The following GADD45GIP1 variants were observed in gnomAD, a reference collection of about 807,000 sequenced individuals.
GADD45GIP1 encodes GADD45G interacting protein 1.
A neutral mutation model predicts 22.1 loss-of-function variants in GADD45GIP1; 17 were observed. The observed-to-expected ratio is 0.77, with a 90% CI of 0.53 to 1.15. GADD45GIP1 has a LOEUF of 1.15. Ranked by LOEUF, GADD45GIP1 falls within the 50% of genes most tolerant of loss-of-function variation. The pLI, the probability that GADD45GIP1 is intolerant of heterozygous loss-of-function variation, is 0.00. For synonymous variants in GADD45GIP1, 135 were observed against 138.4 expected (o/e 0.98, Z 0.17); for missense variants, 294 against 314.0 (o/e 0.94, Z 0.48).
At position 12,957,012 on chromosome 19, in the gene GADD45GIP1, G is replaced by A. The variant is rs1971932873; in HGVS notation, c.201C>T (p.Ala67=). The A allele has an allele frequency of 6.3e-7, 1 of 1,598,026 alleles. No homozygotes were observed. Among genetic ancestry groups the A allele is most frequent in the Non-Finnish European group, 8.5e-7 (1 of 1,179,176 alleles). ...ATAACGAACCGGGGACCACCCCGGA[G>A]GCGGCGCCGTAACGCGCGAACTGCT... The part of the protein sequence containing the change: ...AAKQFARYGA[A]SGVVPGSLWP... The change falls in exon 1 of 2, where the codon GCC becomes GCT. Residue 67 remains alanine (A), a synonymous_variant. Coordinates refer to ENST00000316939, the MANE Select transcript of GADD45GIP1 (RefSeq NM_052850.4).
rs1971868714 is a variant in GADD45GIP1 at position 12,953,393 on chromosome 19, CT to C, written c.*814del. 1 of 172,980 alleles carries C rather than the reference CT, an allele frequency of 5.8e-6. No homozygotes were observed. Among genetic ancestry groups the C allele is most frequent in the South Asian group, 1.9e-4 (1 of 5,390 alleles). The allele number at this position is 172,980 out of a possible 1,614,324, so 10.7% of individuals were successfully genotyped here. ...TGCCTCTCCATCCTCCGAAAAACCC[CT>C]GAGGACCCCCCCCCATCCTCTTCTA... On this transcript the variant is annotated 3_prime_UTR_variant, in exon 2 of 2. Transcript: ENST00000316939.
In GADD45GIP1 at chr19:12,953,139, T is replaced by C. The variant is rs909078368; in HGVS notation, c.*1069A>G. The C allele has an allele frequency of 2.4e-6, 2 of 847,432 alleles. No homozygotes were observed. The highest frequency in any genetic ancestry group is 3.4e-5 in the Admixed American group (1 of 29,716). The allele number at this position is 847,432 out of a possible 1,614,324, so 52.5% of individuals were successfully genotyped here. A position where few individuals can be genotyped will look rare whatever the true frequency, so the allele number is the denominator to read the frequency against. On this transcript the variant is annotated 3_prime_UTR_variant, in exon 2 of 2. Coordinates refer to ENST00000316939, the MANE Select transcript of GADD45GIP1 (RefSeq NM_052850.4). Reference sequence around the variant, plus strand: ...AAAAATATATATATATTCATGTTTATTTAAGAAATGGAAAAAAAAATCAAA... The same window carrying C: ...AAAAATATATATATATTCATGTTTACTTAAGAAATGGAAAAAAAAATCAAA...
rs898872669 is a variant in GADD45GIP1 at position 12,954,142 on chromosome 19, T to C, written c.*66A>G. The C allele has an allele frequency of 1.4e-6, 2 of 1,388,794 alleles. No individual in the cohort carries two copies. The highest frequency in any genetic ancestry group is 2.0e-6 in the Non-Finnish European group (2 of 1,006,208). The allele number at this position is 1,388,794 out of a possible 1,614,324, so 86.0% of individuals were successfully genotyped here. A position where few individuals can be genotyped will look rare whatever the true frequency, so the allele number is the denominator to read the frequency against. ...CCAGGGGACCCAGAGAGGCACACCT[T>C]GAGAGGACGCAGATCTCTTCAGGGG... On this transcript the variant is annotated 3_prime_UTR_variant, in exon 2 of 2. Coordinates refer to ENST00000316939, the MANE Select transcript of GADD45GIP1 (RefSeq NM_052850.4).
Position 12,956,855 on chromosome 19 carries a change from G to A in GADD45GIP1, c.350+8C>T. 1 of 1,594,840 alleles carries A rather than the reference G, an allele frequency of 6.3e-7. No individual in the cohort carries two copies. Among genetic ancestry groups the A allele is most frequent in the Non-Finnish European group, 8.5e-7 (1 of 1,177,760 alleles). ...AGGGCAGCCCCGCGTCTGCCTGCACGCACGCACCTCTCCCGACGCTTCTGC... is the reference window on the plus strand; with the variant it reads ...AGGGCAGCCCCGCGTCTGCCTGCACACACGCACCTCTCCCGACGCTTCTGC... On this transcript the variant is annotated splice_region_variant and intron_variant, in intron 1 of 1. Coordinates refer to ENST00000316939, the MANE Select transcript of GADD45GIP1 (RefSeq NM_052850.4).
rs745685012 is a variant in GADD45GIP1 at position 12,953,292 on chromosome 19, A to G, written c.*916T>C. The G allele has an allele frequency of 2.4e-4, 81 of 337,968 alleles. 1 individual carries two copies. In the Middle Eastern group the frequency reaches 3.2e-3, roughly 13 times the overall value. The allele number at this position is 337,968 out of a possible 1,614,324, so 20.9% of individuals were successfully genotyped here. ...GCCCAGCCTGCTCAGAGAAGCTGGC[A>G]GGACTGGGAGGCGACAGATGGGCCC... On this transcript the variant is annotated 3_prime_UTR_variant, in exon 2 of 2. Coordinates refer to ENST00000316939, the MANE Select transcript of GADD45GIP1 (RefSeq NM_052850.4).
chr19:12,953,917 T>C lies in GADD45GIP1; in HGVS notation c.*291A>G, dbSNP rs1971887350. 2.9e-6 allele frequency: 1 copy of C among 344,198 alleles called. No homozygotes were observed. 21.3% of individuals were successfully genotyped at this position (344,198 alleles called of 1,614,324 possible). ...ACTTCCCCCCCCACCAGCCTTGTAA[T>C]TGGCTAATTACTGGAGATGAATGTT... On this transcript the variant is annotated 3_prime_UTR_variant, in exon 2 of 2. Transcript: ENST00000316939.
chr19:12,954,257 G>T lies in GADD45GIP1; in HGVS notation c.620C>A (p.Ala207Asp). Residue 207 changes from alanine (A) to aspartate (D), a missense_variant, in exon 2 of 2, where the codon GCT becomes GAT. Transcript: ENST00000316939. The part of the protein sequence containing the change: ...RKKEARAAAL[A>D]AAVAQDPAAS... Reference sequence around the variant, plus strand: ...TGCTGGGTCTTGAGCCACAGCTGCAGCCAATGCAGCAGCTCGCGCCTCCTT... The same window carrying T: ...TGCTGGGTCTTGAGCCACAGCTGCATCCAATGCAGCAGCTCGCGCCTCCTT... 7 of 1,614,202 alleles carry T rather than the reference G, an allele frequency of 4.3e-6. No homozygotes were observed. The South Asian group carries it at 6.6e-5, about 15-fold the overall frequency.
In GADD45GIP1 at chr19:12,957,161, G is replaced by C; in HGVS notation, c.52C>G (p.Leu18Val). 2 of 1,420,986 alleles carry C rather than the reference G, an allele frequency of 1.4e-6. No individual in the cohort carries two copies. The highest frequency in any genetic ancestry group is 1.8e-6 in the Non-Finnish European group (2 of 1,101,356). 88.0% of individuals were successfully genotyped at this position (1,420,986 alleles called of 1,614,324 possible). A position where few individuals can be genotyped will look rare whatever the true frequency, so the allele number is the denominator to read the frequency against. ...CGGTAGCCACGGGAACCCGGGGCCA[G>C]GGTCGCCGCCACACCTAGTAGGCTG... ...ARSLLGVAAT[L>V]APGSRGYRAR... The change falls in exon 1 of 2, where the codon CTG (leucine) becomes GTG (valine). Residue 18 changes from leucine (L) to valine (V), a missense_variant. Transcript: ENST00000316939.
chr19:12,954,723 C>A (rs1971902416), intron 1 of GADD45GIP1, among the ~76,000 whole-genome samples, 197 bp from the exon 2 acceptor site: 1 of 152,218 alleles, frequency 6.6e-6, no homozygotes, highest in African/African-American at 2.4e-5. Flanking sequence ...TGAATTTGAT[C>A]ACAAGGGCAT....
intron 1 of GADD45GIP1, among the ~76,000 whole-genome samples, chr19:12,955,518 T>A (rs1971913272): frequency 6.6e-6 from 1 of 152,128 alleles, no homozygotes; most frequent in South Asian, 2.1e-4. Context: ...AGGAACACAC[T>A]TGACCTACCC....
rs753799047 is a variant in GADD45GIP1 at position 12,954,318 on chromosome 19, G to A, written c.559C>T (p.Arg187Cys). ...ELLQDLEKKE[R>C]KRLKEEKQKR... ...TGTTTTTCCTCCTTGAGGCGCTTGC[G>A]CTCCTTCTTCTCTAGGTCCTGGAGC... Residue 187 changes from arginine to cysteine, a missense_variant, in exon 2 of 2, where the codon CGC becomes TGC. Transcript: ENST00000316939. 1.9e-5 allele frequency: 30 copies of A among 1,614,032 alleles called. No homozygotes were observed. Among genetic ancestry groups the A allele is most frequent in the Non-Finnish European group, 2.3e-5 (27 of 1,180,024 alleles).
chr19:12,957,195 T>C lies in GADD45GIP1; in HGVS notation c.18A>G (p.Arg6=), dbSNP rs781042479. 58 of 1,401,712 alleles carry C rather than the reference T, an allele frequency of 4.1e-5. No individual in the cohort carries two copies. In the South Asian group the frequency reaches 8.5e-4, roughly 21 times the overall value. The allele number at this position is 1,401,712 out of a possible 1,614,324, so 86.8% of individuals were successfully genotyped here. A position where few individuals can be genotyped will look rare whatever the true frequency, so the allele number is the denominator to read the frequency against. MAASV[R]QARSLLGVAA... ...CCACACCTAGTAGGCTGCGTGCCTG[T>C]CGCACGGACGCCGCCATCTTGGCTG... The change falls in exon 1 of 2, where the codon CGA becomes CGG. Residue 6 remains arginine, a synonymous_variant. Coordinates refer to ENST00000316939, the MANE Select transcript of GADD45GIP1 (RefSeq NM_052850.4).
intron 1 of GADD45GIP1, among the ~76,000 whole-genome samples, chr19:12,956,529 C>T (rs1971925877): frequency 6.6e-6 from 1 of 152,170 alleles, no homozygotes; most frequent in South Asian, 2.1e-4. Flanking sequence ...TGGTGCACGC[C>T]TGTAATCCCA....
chr19:12,956,873 G>C lies in GADD45GIP1; in HGVS notation c.340C>G (p.Arg114Gly). Residue 114 changes from arginine to glycine, a missense_variant, in exon 1 of 2, where the codon CGT becomes GGT. Transcript: ENST00000316939. ...RVKQLAEEQK[R>G]REREQHIAEC... is the part of the protein sequence containing the mutation. ...CCTGCACGCACGCACCTCTCCCGAC[G>C]CTTCTGCTCTTCGGCCAGCTGCTTC... 2 of 1,597,944 alleles carry C rather than the reference G, an allele frequency of 1.3e-6. No homozygotes were observed. Among genetic ancestry groups the C allele is most frequent in the Non-Finnish European group, 1.7e-6 (2 of 1,179,174 alleles).
Position 12,954,536 on chromosome 19 carries a change from A to G in GADD45GIP1, c.351-10T>C. Reference sequence around the variant, plus strand: ...TGCGATGTGCTGCTCCCTGCAGGGGAGGGAGAGTGGGCTGTGACACTGGCA... The same window carrying G: ...TGCGATGTGCTGCTCCCTGCAGGGGGGGGAGAGTGGGCTGTGACACTGGCA... On this transcript the variant is annotated splice_polypyrimidine_tract_variant and intron_variant, in intron 1 of 1. Transcript: ENST00000316939. 6.2e-7 allele frequency: 1 copy of G among 1,600,376 alleles called. No homozygotes were observed. The highest frequency in any genetic ancestry group is 8.5e-7 in the Non-Finnish European group (1 of 1,171,360).
chr19:12,956,804 G>C (rs988382438), intron 1 of GADD45GIP1, 59 bp downstream of exon 1: 22 of 1,507,972 alleles, frequency 1.5e-5, no homozygotes, highest in Non-Finnish European at 1.8e-5. Context: ...GCACGGTTTG[G>C]GGCCCAGTTC....
chr19:12,954,330 C>T lies in GADD45GIP1; in HGVS notation c.547G>A (p.Glu183Lys), dbSNP rs1568456413. Residue 183 changes from glutamate (E) to lysine (K), a missense_variant, in exon 2 of 2, where the codon GAG (glutamate) becomes AAG (lysine). Coordinates refer to ENST00000316939, the MANE Select transcript of GADD45GIP1 (RefSeq NM_052850.4). ...ARFQELLQDL[E>K]KKERKRLKEE... ...TTGAGGCGCTTGCGCTCCTTCTTCT[C>T]TAGGTCCTGGAGCAGCTCCTGGAAG... 1.2e-6 allele frequency: 2 copies of T among 1,614,212 alleles called. No homozygotes were observed. The highest frequency in any genetic ancestry group is 1.3e-5 in the African/African-American group (1 of 75,052).
Position 12,957,018 on chromosome 19 carries a change from G to A in GADD45GIP1, c.195C>T (p.Gly65=). 6.3e-7 allele frequency: 1 copy of A among 1,597,070 alleles called. No individual in the cohort carries two copies. The stretch of plus-strand genomic sequence containing the variant: ...AACCGGGGACCACCCCGGAGGCGGC[G>A]CCGTAACGCGCGAACTGCTTAGCCG... ...RYAAKQFARY[G]AASGVVPGSL... Residue 65 remains glycine, a synonymous_variant, in exon 1 of 2, where the codon GGC becomes GGT. Transcript: ENST00000316939.
At chr19:12,954,911 A>G (rs559470966) in intron 1 of GADD45GIP1, among the ~76,000 whole-genome samples, 2 of 152,344 alleles carry the variant, frequency 1.3e-5, no homozygotes, top group East Asian at 3.9e-4. Context: ...AAAGCAAGAA[A>G]GACATTTCCC....
Sources: allele counts gnomAD v4.1 joint callset (sites outside exome capture counted in the v4.1 genomes callset), GRCh38; gene constraint gnomAD v4.1.1; transcripts MANE v1.5; gene names NCBI Gene and HGNC (gene_info 2026-07-23, HGNC 2026-07-21).